UBE2E3: variants seen among roughly 807,000 people sequenced by gnomAD.
UBE2E3 encodes the protein ubiquitin conjugating enzyme E2 E3, also known as ubiquitin-conjugating enzyme E2 E3.
A neutral mutation model predicts 23.6 loss-of-function variants in UBE2E3; 5 were observed. That is an observed-to-expected ratio of 0.21 (90% confidence interval 0.11 to 0.44). The LOEUF (loss-of-function observed/expected upper bound fraction) is 0.44, where lower values mean the gene tolerates loss of function less well. UBE2E3 is among the 20% of genes least tolerant of loss of function. The pLI is 0.99. For missense variants in UBE2E3, 81 were observed against 249.8 expected, an observed-to-expected ratio of 0.32 and a Z score of 4.55; for synonymous variants, 78 against 87.5, an observed-to-expected ratio of 0.89 and a Z score of 0.60.
intron 3 of UBE2E3, among the ~76,000 whole-genome samples, chr2:181,048,210 T>G (rs1162816785): frequency 6.6e-6 from 1 of 152,146 alleles, no homozygotes; most frequent in African/African-American, 2.4e-5. Flanking sequence ...TTGTAGCGTT[T>G]TCTGTTTTAT....
intron 3 of UBE2E3, among the ~76,000 whole-genome samples, chr2:181,030,978 G>C (rs759213265): frequency 2.6e-5 from 4 of 151,998 alleles, no homozygotes; most frequent in African/African-American, 4.8e-5. Context: ...TATTACGTTT[G>C]TTACCTTTTC....
chr2:180,980,593 C>CA (rs1684237683), upstream of UBE2E3: 1 of 148,796 alleles, frequency 6.7e-6, no homozygotes, highest in African/African-American at 2.4e-5. This position sits in a 1 kb window ranked among gnomAD's most constrained non-coding sequence, Gnocchi z 5.5. Context: ...CCCTCCCCCC[C>CA]GCGCTCGCCT....
At chr2:181,054,347 T>A (rs1398188478) in intron 3 of UBE2E3, among the ~76,000 whole-genome samples, 2 of 151,934 alleles carry the variant, frequency 1.3e-5, no homozygotes, top group African/African-American at 4.8e-5. Flanking sequence ...CCATTTTGTA[T>A]TCTCCACTAG....
intron 3 of UBE2E3, among the ~76,000 whole-genome samples, chr2:180,993,422 T>C (rs1684729824): frequency 1.3e-5 from 2 of 152,234 alleles, no homozygotes; most frequent in South Asian, 2.1e-4. Flanking sequence ...ACTCTGTCAT[T>C]CTGTTTAACT....
At chr2:181,002,191 C>CT (rs111463215) in intron 3 of UBE2E3, among the ~76,000 whole-genome samples, 5 of 151,938 alleles carry the variant, frequency 3.3e-5, no homozygotes, top group Admixed American at 3.3e-4. Context: ...TAATGGATTT[C>CT]TTTTTTTACT....
At chr2:180,986,750 CT>C (rs1324544579) in intron 3 of UBE2E3, among the ~76,000 whole-genome samples, 1 of 152,006 alleles carries the variant, frequency 6.6e-6, no homozygotes, top group Non-Finnish European at 1.5e-5. Flanking sequence ...TTTTTACAAG[CT>C]TGTCAAAGTA....
chr2:181,062,452 A>G (rs1403176404), intron 5 of UBE2E3, among the ~76,000 whole-genome samples: 2 of 151,648 alleles, frequency 1.3e-5, no homozygotes, highest in Non-Finnish European at 3.0e-5. Context: ...AACTATTCAT[A>G]AGCAGAAATA....
intron 3 of UBE2E3, among the ~76,000 whole-genome samples, chr2:180,997,679 T>C (rs1191987781): frequency 6.6e-6 from 1 of 152,142 alleles, no homozygotes; most frequent in Non-Finnish European, 1.5e-5. Context: ...TTTTATCTTA[T>C]CTTTATTTTT....
At chr2:181,045,893 A>T (rs1686660393) in intron 3 of UBE2E3, among the ~76,000 whole-genome samples, 1 of 152,090 alleles carries the variant, frequency 6.6e-6, no homozygotes, top group Non-Finnish European at 1.5e-5. Context: ...AAAAAAAGAC[A>T]ACAATCAATT....
intron 3 of UBE2E3, among the ~76,000 whole-genome samples, chr2:180,992,149 C>T (rs745422935): frequency 6.8e-4 from 104 of 152,030 alleles, no homozygotes; most frequent in Admixed American, 7.2e-4. Context: ...TGTCTTGTAA[C>T]TTGTATGCTT....
intron 3 of UBE2E3, among the ~76,000 whole-genome samples, chr2:181,046,870 C>G (rs544827916): frequency 6.6e-6 from 1 of 152,122 alleles, no homozygotes. Flanking sequence ...CAGCCATAGC[C>G]CCAGTTTTGA....
chr2:181,043,656 TATA>T (rs1449600208), intron 3 of UBE2E3, among the ~76,000 whole-genome samples: 1 of 152,092 alleles, frequency 6.6e-6, no homozygotes, highest in African/African-American at 2.4e-5. Context: ...GAAAGTAAAA[TATA>T]ATAATTAACG....
intron 3 of UBE2E3, among the ~76,000 whole-genome samples, chr2:180,992,283 A>G (rs1208133397): frequency 6.6e-6 from 1 of 152,084 alleles, no homozygotes; most frequent in African/African-American, 2.4e-5. Context: ...TTCATTCTAG[A>G]TACACAGTAT....
At chr2:180,987,247 G>T in intron 3 of UBE2E3, 1 of 1,375,648 alleles carries the variant, frequency 7.3e-7, no homozygotes, top group Non-Finnish European at 1.0e-6. Context: ...TTGTGTTATG[G>T]GCATTTCCCT....
At chr2:181,020,303 T>C (rs1179605082) in intron 3 of UBE2E3, among the ~76,000 whole-genome samples, 1 of 152,340 alleles carries the variant, frequency 6.6e-6, no homozygotes, top group African/African-American at 2.4e-5. Context: ...GTCACATGGC[T>C]GCCTTCTTCC....
intron 3 of UBE2E3, among the ~76,000 whole-genome samples, chr2:180,995,456 A>G (rs1684797176): frequency 6.6e-6 from 1 of 152,174 alleles, no homozygotes; most frequent in African/African-American, 2.4e-5. Context: ...TGTAACATAC[A>G]AAACGTTTCT....
intron 3 of UBE2E3, among the ~76,000 whole-genome samples, chr2:181,008,906 CT>C (rs3060037): frequency 0.32 from 45,873 of 142,178 alleles, 7,418 homozygotes; most frequent in African/African-American, 0.43. Context: ...GCAGTATGTG[CT>C]TTTTTTTTTT....
chr2:181,062,639 T>C (rs1335082562), intron 5 of UBE2E3, 152 bp from the exon 6 acceptor site: 1 of 394,468 alleles, frequency 2.5e-6, no homozygotes, highest in Admixed American at 4.3e-5. Context: ...ATACATATGA[T>C]CATGTTACTT....
chr2:181,057,840 G>A lies in UBE2E3; in HGVS notation c.378+15G>A. ...AGCCACCAAAGGTAAGAAGCTTGAA[G>A]TGCATTCTTTAGTATTTAATCCTTC... On this transcript the variant is annotated intron_variant, in intron 4 of 5. Coordinates refer to ENST00000410062, the MANE Select transcript of UBE2E3 (RefSeq NM_006357.4). 1.9e-6 allele frequency: 3 copies of A among 1,609,572 alleles called. No individual in the cohort carries two copies. The highest frequency in any genetic ancestry group is 2.5e-6 in the Non-Finnish European group (3 of 1,177,356).
Sources: gnomAD v4.1 joint callset for allele counts (sites outside exome capture counted in the v4.1 genomes callset) on GRCh38, gnomAD v4.1.1 for gene constraint, Gnocchi (gnomAD v3.1) non-coding constraint, MANE v1.5 for transcripts, NCBI Gene and HGNC (gene_info 2026-07-23, HGNC 2026-07-21) for gene names.